Variants in TMEM39B observed in about 807,000 individuals in gnomAD.
TMEM39B encodes the protein transmembrane protein 39B.
In TMEM39B, 23 loss-of-function variants were observed where a neutral mutation model predicts 52.2. The ratio of observed to expected loss-of-function variants is 0.44; its 90% CI spans 0.32 to 0.62. The LOEUF (loss-of-function observed/expected upper bound fraction) is 0.62, where lower values mean the gene tolerates loss of function less well. Ranked by LOEUF, TMEM39B falls within the 20% of genes least tolerant of loss-of-function variation. The probability of loss-of-function intolerance (pLI) is 0.06; values close to 1 mark genes in which losing one functional copy is unlikely to be tolerated. For missense variants in TMEM39B, 547 were observed against 642.0 expected (o/e 0.85, Z 1.60); for synonymous variants, 285 against 264.0 (o/e 1.08, Z -0.77).
chr1:32,085,506 A>T (rs966189768), intron 5 of TMEM39B, among the ~76,000 whole-genome samples: 1 of 152,160 alleles, frequency 6.6e-6, no homozygotes, highest in African/African-American at 2.4e-5. Context: ...TAATCCCTGC[A>T]CTTTGGGAGG....
chr1:32,089,959 G>C (rs1640535046), intron 5 of TMEM39B, among the ~76,000 whole-genome samples: 1 of 151,726 alleles, frequency 6.6e-6, no homozygotes, highest in Admixed American at 6.6e-5. Context: ...AACCCAGGAG[G>C]CGGAGGTTGC....
At chr1:32,079,673 A>G (rs975539444) in intron 5 of TMEM39B, among the ~76,000 whole-genome samples, 7 of 152,034 alleles carry the variant, frequency 4.6e-5, no homozygotes, top group Non-Finnish European at 8.8e-5. Context: ...AGCTGGGACT[A>G]TGGGCATGCG....
At chr1:32,099,372 C>T (rs151268496) in intron 7 of TMEM39B, among the ~76,000 whole-genome samples, 45 of 152,080 alleles carry the variant, frequency 3.0e-4, no homozygotes, top group Non-Finnish European at 6.2e-4. Context: ...ATGTAAATGA[C>T]GAGTTAATGG....
At chr1:32,083,409 C>CTTTTTTTTTT (rs1052027069) in intron 5 of TMEM39B, among the ~76,000 whole-genome samples, 4 of 54,626 alleles carry the variant, frequency 7.3e-5, no homozygotes, top group African/African-American at 1.6e-4. Context: ...TAAAGGACTT[C>CTTTTTTTTTT]TTTTTTTTTT....
intron 8 of TMEM39B, chr1:32,100,828 C>A: frequency 2.4e-6 from 1 of 412,352 alleles, no homozygotes; most frequent in Non-Finnish European, 4.5e-6. Flanking sequence ...GAGTTCAAGA[C>A]CAGACCAGCC....
chr1:32,077,052 G>A, intron 4 of TMEM39B, 112 bp from the exon 5 acceptor site: 1 of 1,476,942 alleles, frequency 6.8e-7, no homozygotes, highest in East Asian at 2.3e-5. Flanking sequence ...TGCCCAGCCT[G>A]CTGTGCCACC....
At chr1:32,094,003 A>G (rs1401887524) in intron 6 of TMEM39B, among the ~76,000 whole-genome samples, 1 of 142,580 alleles carries the variant, frequency 7.0e-6, no homozygotes, top group African/African-American at 2.6e-5. Context: ...TATTTTTAGT[A>G]GAGATGGGGT....
At chr1:32,078,207 AG>A (rs1319162676) in intron 5 of TMEM39B, among the ~76,000 whole-genome samples, 1 of 152,226 alleles carries the variant, frequency 6.6e-6, no homozygotes, top group Non-Finnish European at 1.5e-5. Flanking sequence ...ACATGTGGCC[AG>A]GCACAGTAGC....
chr1:32,091,544 A>G (rs1427033299), intron 5 of TMEM39B, 131 bp from the exon 6 acceptor site: 1 of 973,198 alleles, frequency 1.0e-6, no homozygotes. Context: ...GGATGGAAGG[A>G]CTGGTAAATT....
chr1:32,074,906 A>ACCC (rs1202076152), intron 1 of TMEM39B, 45 bp from the exon 2 acceptor site: 2 of 1,526,738 alleles, frequency 1.3e-6, no homozygotes, highest in East Asian at 2.5e-5. Context: ...TATCCTTGAT[A>ACCC]TATGCCCCCT....
chr1:32,093,254 A>G (rs1640677854), intron 6 of TMEM39B, among the ~76,000 whole-genome samples: 1 of 151,690 alleles, frequency 6.6e-6, no homozygotes, highest in Non-Finnish European at 1.5e-5. Flanking sequence ...GAGCACCACC[A>G]CACCCAACTA....
intron 1 of TMEM39B, 188 bp downstream of exon 1, chr1:32,073,239 A>T: frequency 1.9e-6 from 1 of 516,588 alleles, no homozygotes; most frequent in Non-Finnish European, 2.7e-6. Context: ...GGGGCGGGAC[A>T]TTGGACGGTG....
At position 32,075,044 on chromosome 1, in the gene TMEM39B, G is replaced by A; in HGVS notation, c.98G>A (p.Ser33Asn). The A allele has an allele frequency of 6.4e-7, 1 of 1,551,572 alleles. No individual in the cohort carries two copies. The highest frequency in any genetic ancestry group is 8.7e-7 in the Non-Finnish European group (1 of 1,146,936). Residue 33 changes from serine to asparagine, a missense_variant, in exon 2 of 9, where the codon AGT becomes AAT. Transcript: ENST00000336294. ...SGGSSGSHTS[S>N]ASVTSVRSRT... ...GGCTCTAGTGGAAGCCACACTTCCAGTGCATCGGTGACCAGTGTTCGTTCC... is the reference window on the plus strand; with the variant it reads ...GGCTCTAGTGGAAGCCACACTTCCAATGCATCGGTGACCAGTGTTCGTTCC...
chr1:32,091,327 C>T lies in TMEM39B; in HGVS notation c.591-348C>T, dbSNP rs184514192. ...TATGAGAAAAGCGTTTGCCTGAAAG[C>T]ATTCGGTACAGTGCCTGGAACATAG... On this transcript the variant is annotated intron_variant, in intron 5 of 8. Coordinates refer to ENST00000336294, the MANE Select transcript of TMEM39B (RefSeq NM_018056.4). Among the ~76,000 whole-genome samples, 3 of 152,342 alleles carry T rather than the reference C, an allele frequency of 2.0e-5. No individual in the cohort carries two copies. The East Asian group carries it at 5.8e-4, about 29-fold the overall frequency.
chr1:32,078,396 T>G (rs1403553823), intron 5 of TMEM39B, among the ~76,000 whole-genome samples: 1 of 151,820 alleles, frequency 6.6e-6, no homozygotes, highest in Non-Finnish European at 1.5e-5. Flanking sequence ...GGTGGGAGAA[T>G]CACCTGAGCT....
At chr1:32,072,583 G>A (rs374271290), upstream of TMEM39B, 1 of 169,220 alleles carries the variant, frequency 5.9e-6, no homozygotes, top group African/African-American at 2.4e-5. Context: ...AAAGCGCAGT[G>A]AGGCCTAAGA....
At chr1:32,079,930 C>T (rs1319552049) in intron 5 of TMEM39B, among the ~76,000 whole-genome samples, 2 of 152,022 alleles carry the variant, frequency 1.3e-5, no homozygotes, top group African/African-American at 4.8e-5. Context: ...CCACCAAGCC[C>T]AGCTAATTTT....
intron 8 of TMEM39B, among the ~76,000 whole-genome samples, chr1:32,101,226 C>T (rs951755818): frequency 6.6e-6 from 1 of 152,086 alleles, no homozygotes; most frequent in Non-Finnish European, 1.5e-5. Context: ...TACCCTGAAC[C>T]TTGTACGTGA....
rs1047019172 is a variant in TMEM39B, at chr1:32,076,937, G to A, written c.435+91G>A. 78 of 1,471,052 alleles carry A rather than the reference G, an allele frequency of 5.3e-5. No homozygotes were observed. In the Admixed American group the frequency reaches 1.3e-3, roughly 25 times the overall value. 91.1% of individuals were successfully genotyped at this position (1,471,052 alleles called of 1,614,324 possible). A position where few individuals can be genotyped will look rare whatever the true frequency, so the allele number is the denominator to read the frequency against. ...AAACATGCCCAGCCCTTCAGCCTTA[G>A]GGTATTTCCTTGGGGCTCCCTTTGG... is the stretch of plus-strand genomic sequence containing the variant. On this transcript the variant is annotated intron_variant, in intron 4 of 8. Coordinates refer to ENST00000336294, the MANE Select transcript of TMEM39B (RefSeq NM_018056.4).
Sources: allele counts gnomAD v4.1 joint callset (sites outside exome capture counted in the v4.1 genomes callset), GRCh38; gene constraint gnomAD v4.1.1; transcripts MANE v1.5; gene names NCBI Gene and HGNC (gene_info 2026-07-23, HGNC 2026-07-21).